TMEM200A: variants seen among roughly 807,000 people sequenced by gnomAD.
The protein encoded by TMEM200A is transmembrane protein 200A.
In TMEM200A, 12 loss-of-function variants were observed where a neutral mutation model predicts 24.3. The ratio of observed to expected loss-of-function variants is 0.49; its 90% confidence interval spans 0.32 to 0.80. The LOEUF (loss-of-function observed/expected upper bound fraction) is 0.80. Ranked by LOEUF, TMEM200A falls within the 30% of genes least tolerant of loss-of-function variation. The pLI is 0.04. For synonymous variants in TMEM200A, 224 were observed against 224.4 expected (o/e 1.00, Z 0.02); for missense variants, 545 against 614.4 (o/e 0.89, Z 1.19).
chr6:130,406,819 A>G (rs1513541), intron 2 of TMEM200A, among the ~76,000 whole-genome samples: 74,437 of 151,996 alleles, frequency 0.49, 22,285 homozygotes, highest in African/African-American at 0.85. Context: ...AAATCTTAGC[A>G]AGAGTAGTTC....
rs774900324 is a variant in TMEM200A, at chr6:130,393,484, CGTGTTACATCA to C, written c.-17+8251_-17+8261del. Among the ~76,000 whole-genome samples the C allele has an allele frequency of 1.4e-3, 210 of 152,160 alleles. 5 individuals carry two copies. The highest frequency in any genetic ancestry group is 4.1e-4 in the Non-Finnish European group (28 of 68,032). Reference sequence around the variant, plus strand: ...CAGAGGTGGGTGTGCAATGGGCAGACGTGTTACATCAGTTTTAAGTCCTCCAGTGTCAACAC... The same window carrying C: ...CAGAGGTGGGTGTGCAATGGGCAGACGTTTTAAGTCCTCCAGTGTCAACAC... On this transcript the variant is annotated intron_variant, in intron 2 of 2. Coordinates refer to ENST00000296978, the MANE Select transcript of TMEM200A (RefSeq NM_001258277.2).
intron 2 of TMEM200A, among the ~76,000 whole-genome samples, chr6:130,392,288 T>G (rs966982424): frequency 6.6e-6 from 1 of 152,214 alleles, no homozygotes; most frequent in African/African-American, 2.4e-5. Context: ...TAAAAGTAGA[T>G]GTTATTATCT....
chr6:130,402,338 G>C lies in TMEM200A; in HGVS notation c.-17+17102G>C, dbSNP rs370014985. 3.6e-4 allele frequency among the ~76,000 whole-genome samples: 55 copies of C among 152,096 alleles called. 1 individual carries two copies. The highest frequency in any genetic ancestry group is 1.3e-3 in the African/African-American group (54 of 41,536). ...AGAGACAACGCTGTTCATGGAAAAT[G>C]GGAATCAGTTGAGCAAAAAATACAA... On this transcript the variant is annotated intron_variant, in intron 2 of 2. Coordinates refer to ENST00000296978, the MANE Select transcript of TMEM200A (RefSeq NM_001258277.2).
intron 2 of TMEM200A, among the ~76,000 whole-genome samples, chr6:130,414,413 C>T (rs1779400906): frequency 8.1e-6 from 1 of 122,946 alleles, no homozygotes. Context: ...GCCTGGGTGA[C>T]AGAGCAAGAC....
intron 1 of TMEM200A, chr6:130,382,052 GA>G (rs1040128076): frequency 1.1e-5 from 9 of 827,088 alleles, no homozygotes; most frequent in African/African-American, 7.4e-5. Flanking sequence ...ATTCAGTTGA[GA>G]TTTTTTTTGG....
At chr6:130,370,034 C>T (rs1454459442) in intron 1 of TMEM200A, among the ~76,000 whole-genome samples, 1 of 152,144 alleles carries the variant, frequency 6.6e-6, no homozygotes, top group Non-Finnish European at 1.5e-5. Context: ...CCAGAAAGTC[C>T]AAAGGTGGTC....
intron 2 of TMEM200A, among the ~76,000 whole-genome samples, chr6:130,410,662 G>A (rs1381290289): frequency 6.6e-6 from 1 of 152,166 alleles, no homozygotes; most frequent in Non-Finnish European, 1.5e-5. Context: ...AAAGCTAAGT[G>A]ATAATCAGAA....
At chr6:130,427,644 C>G (rs1196826221) in intron 2 of TMEM200A, among the ~76,000 whole-genome samples, 1 of 151,936 alleles carries the variant, frequency 6.6e-6, no homozygotes, top group African/African-American at 2.4e-5. Flanking sequence ...AGAAAAGTAC[C>G]CATTTGTCCT....
chr6:130,409,397 G>T (rs1779282356), intron 2 of TMEM200A, among the ~76,000 whole-genome samples: 1 of 152,092 alleles, frequency 6.6e-6, no homozygotes, highest in East Asian at 1.9e-4. Context: ...TCAAATACCT[G>T]GTCTCAGGAC....
chr6:130,391,502 C>G (rs916940996), intron 2 of TMEM200A, among the ~76,000 whole-genome samples: 1 of 152,104 alleles, frequency 6.6e-6, no homozygotes, highest in Non-Finnish European at 1.5e-5. Context: ...GCATCTTTCT[C>G]TCTCTCTCCC....
chr6:130,371,118 T>G (rs73611651), intron 1 of TMEM200A, among the ~76,000 whole-genome samples: 4,970 of 152,208 alleles, frequency 0.033, 261 homozygotes, highest in African/African-American at 0.11. Context: ...GACAGAAGCA[T>G]TTGTGGAATG....
intron 2 of TMEM200A, among the ~76,000 whole-genome samples, chr6:130,440,053 AGAGAAGAGAAAGAGTG>A (rs71818238): frequency 0.051 from 7,821 of 152,002 alleles, 250 homozygotes; most frequent in South Asian, 0.1. Context: ...AGAGAGAGAG[AGAGAAGAGAAAGAGTG>A]AGCATCAGTC....
Position 130,441,545 on chromosome 6 carries a change from C to T in TMEM200A, c.1123C>T (p.Pro375Ser), listed in dbSNP as rs1190605723. 2 of 1,614,006 alleles carry T rather than the reference C, an allele frequency of 1.2e-6. No homozygotes were observed. Among genetic ancestry groups the T allele is most frequent in the Non-Finnish European group, 1.7e-6 (2 of 1,179,986 alleles). ...LGPGAGQLLSPGAARRQFGSN... is the reference protein window; with the variant it reads ...LGPGAGQLLSSGAARRQFGSN... ...ACCTGGGGCTGGACAGCTCTTGTCTCCTGGGGCTGCCAGAAGACAGTTTGG... is the reference window on the plus strand; with the variant it reads ...ACCTGGGGCTGGACAGCTCTTGTCTTCTGGGGCTGCCAGAAGACAGTTTGG... Residue 375 changes from proline to serine, a missense_variant, in exon 3 of 3, where the codon CCT becomes TCT. Physicochemically the swap from Pro to Ser is moderately conservative, Grantham distance 74. Transcript: ENST00000296978.
At chr6:130,373,625 G>C (rs1464185750) in intron 1 of TMEM200A, among the ~76,000 whole-genome samples, 5 of 152,030 alleles carry the variant, frequency 3.3e-5, no homozygotes, top group Admixed American at 2.0e-4. Context: ...ATTATAAATG[G>C]CACTTTGATG....
At chr6:130,426,471 C>CCT (rs878942964) in intron 2 of TMEM200A, among the ~76,000 whole-genome samples, 1 of 149,312 alleles carries the variant, frequency 6.7e-6, no homozygotes, top group South Asian at 2.2e-4. Context: ...CCCCCCCCCC[C>CCT]TCAGTTTCCC....
intron 1 of TMEM200A, among the ~76,000 whole-genome samples, chr6:130,371,984 A>G (rs1035998419): frequency 2.6e-5 from 4 of 152,236 alleles, no homozygotes; most frequent in African/African-American, 9.6e-5. Context: ...AATCTTCATT[A>G]TAATTCCAGA....
chr6:130,421,292 A>G (rs1016654628), intron 2 of TMEM200A: 5 of 152,158 alleles, frequency 3.3e-5, no homozygotes, highest in African/African-American at 1.2e-4. Flanking sequence ...GCATTACTCC[A>G]TCTGAACTCT....
At chr6:130,427,175 CT>C (rs1167623766) in intron 2 of TMEM200A, among the ~76,000 whole-genome samples, 1 of 152,064 alleles carries the variant, frequency 6.6e-6, no homozygotes, top group Non-Finnish European at 1.5e-5. Flanking sequence ...TTGCTCTGTA[CT>C]TAGAGTTCCA....
intron 2 of TMEM200A, among the ~76,000 whole-genome samples, chr6:130,410,634 C>T (rs1779308953): frequency 6.6e-6 from 1 of 152,146 alleles, no homozygotes; most frequent in Non-Finnish European, 1.5e-5. Flanking sequence ...TTGAGTGTGG[C>T]AGATCCGTTG....
Sources: allele counts gnomAD v4.1 joint callset (sites outside exome capture counted in the v4.1 genomes callset), GRCh38; gene constraint gnomAD v4.1.1; transcripts MANE v1.5; gene names NCBI Gene and HGNC (gene_info 2026-07-23, HGNC 2026-07-21).